The following TESK2 variants were observed in gnomAD, a reference collection of about 807,000 sequenced individuals.
TESK2 encodes the protein dual specificity testis-specific protein kinase 2.
In TESK2, 39 loss-of-function variants were observed where a neutral mutation model predicts 57.1. The ratio of observed to expected loss-of-function variants is 0.68; its 90% CI spans 0.53 to 0.89. The LOEUF (loss-of-function observed/expected upper bound fraction) is 0.89, where lower values mean the gene tolerates loss of function less well. TESK2 is among the 40% of genes least tolerant of loss of function. The probability of loss-of-function intolerance (pLI) is 0.00; values close to 1 mark genes in which losing one functional copy is unlikely to be tolerated. For synonymous variants in TESK2, 249 were observed against 267.9 expected (o/e 0.93, Z 0.69); for missense variants, 646 against 732.1 (o/e 0.88, Z 1.36).
At chr1:45,412,961 A>G (rs1384291407) in intron 3 of TESK2, among the ~76,000 whole-genome samples, 1 of 152,150 alleles carries the variant, frequency 6.6e-6, no homozygotes, top group Non-Finnish European at 1.5e-5. Flanking sequence ...CAGAGATTGC[A>G]GTGAGCCTGG....
chr1:45,468,612 C>G (rs139627968), intron 1 of TESK2, among the ~76,000 whole-genome samples: 102 of 152,230 alleles, frequency 6.7e-4, no homozygotes, highest in African/African-American at 2.3e-3. Context: ...CTCTGGATTA[C>G]CTCTCTTGGT....
intron 3 of TESK2, among the ~76,000 whole-genome samples, chr1:45,393,570 A>G (rs1333903701): frequency 6.6e-6 from 1 of 152,040 alleles, no homozygotes; most frequent in Non-Finnish European, 1.5e-5. Context: ...GTGAAACCCC[A>G]TCTCTACTAA....
chr1:45,473,308 T>C (rs947775905), intron 1 of TESK2, among the ~76,000 whole-genome samples: 3 of 151,960 alleles, frequency 2.0e-5, no homozygotes, highest in Non-Finnish European at 4.4e-5. Context: ...AACATCAATA[T>C]ATACAGGACA....
intron 2 of TESK2, among the ~76,000 whole-genome samples, chr1:45,445,896 C>CA (rs1405278501): frequency 6.6e-6 from 1 of 151,730 alleles, no homozygotes; most frequent in South Asian, 2.1e-4. Flanking sequence ...AAGTATATAA[C>CA]AAAAAAAATT....
At chr1:45,477,451 C>T (rs532499167) in intron 1 of TESK2, among the ~76,000 whole-genome samples, 9 of 151,866 alleles carry the variant, frequency 5.9e-5, no homozygotes, top group East Asian at 3.9e-4. Context: ...GGCTAAACCC[C>T]GTCTCTACTA....
chr1:45,471,531 G>C (rs571259655), intron 1 of TESK2, among the ~76,000 whole-genome samples: 2 of 151,408 alleles, frequency 1.3e-5, no homozygotes, highest in African/African-American at 4.9e-5. Flanking sequence ...TCCACCTCCC[G>C]AGTGGCTGGG....
intron 4 of TESK2, among the ~76,000 whole-genome samples, chr1:45,357,253 A>G (rs972762260): frequency 2.6e-5 from 4 of 151,808 alleles, no homozygotes; most frequent in Admixed American, 2.0e-4. Flanking sequence ...GTATGTATGT[A>G]TGTATGTATG....
chr1:45,447,671 C>A (rs1239890307), intron 2 of TESK2, among the ~76,000 whole-genome samples: 1 of 151,918 alleles, frequency 6.6e-6, no homozygotes, highest in Non-Finnish European at 1.5e-5. Flanking sequence ...CAATTATTAT[C>A]TTTATCAAGT....
At chr1:45,413,803 G>A (rs1570704188) in intron 3 of TESK2, 2 of 456,116 alleles carry the variant, frequency 4.4e-6, no homozygotes, top group South Asian at 3.1e-5. Context: ...AGGGTTCCAA[G>A]AGATGGATTC....
rs78454925 is a variant in TESK2, at chr1:45,372,006, C to T, written c.393+13906G>A. ...GTGGCTCACTTCTATACTCCCAGCA[C>T]TTTAGAACAAGGTGAGAGGATTGCT... On this transcript the variant is annotated intron_variant, in intron 4 of 10. Coordinates refer to ENST00000372086, the MANE Select transcript of TESK2 (RefSeq NM_007170.3). Among the ~76,000 whole-genome samples the T allele has an allele frequency of 1.6e-3, 250 of 151,980 alleles. 4 individuals are homozygous for T. The East Asian group carries it at 0.018, about 11-fold the overall frequency.
intron 1 of TESK2, among the ~76,000 whole-genome samples, chr1:45,487,436 G>A (rs1653531169): frequency 6.6e-6 from 1 of 152,120 alleles, no homozygotes; most frequent in Non-Finnish European, 1.5e-5. Context: ...GGACAACTGT[G>A]ACATTCATAT....
chr1:45,424,108 C>T (rs1650590917), intron 2 of TESK2, among the ~76,000 whole-genome samples: 1 of 152,190 alleles, frequency 6.6e-6, no homozygotes, highest in Admixed American at 6.5e-5. Context: ...CTACGGACTT[C>T]AGGAGTATCA....
chr1:45,476,114 T>G (rs1474584694), intron 1 of TESK2, among the ~76,000 whole-genome samples: 2 of 152,184 alleles, frequency 1.3e-5, no homozygotes, highest in Non-Finnish European at 2.9e-5. Context: ...CATATATACA[T>G]ATATCCTATT....
At chr1:45,448,788 T>C (rs559955486) in intron 2 of TESK2, among the ~76,000 whole-genome samples, 1 of 152,150 alleles carries the variant, frequency 6.6e-6, no homozygotes, top group Non-Finnish European at 1.5e-5. Flanking sequence ...CCAAACTATA[T>C]CTTATGCCAT....
intron 5 of TESK2, among the ~76,000 whole-genome samples, 155 bp from the exon 6 acceptor site, chr1:45,348,155 G>A (rs372966479): frequency 1.4e-4 from 21 of 152,270 alleles, no homozygotes; most frequent in African/African-American, 4.8e-4. Context: ...CAGGTCAGGG[G>A]CTCTAAGACA....
intron 4 of TESK2, among the ~76,000 whole-genome samples, chr1:45,368,541 T>G (rs1215100636): frequency 6.6e-6 from 1 of 151,226 alleles, no homozygotes; most frequent in Non-Finnish European, 1.5e-5. Context: ...GCCCGGCTAA[T>G]TTTTGTATTT....
chr1:45,480,665 AAAATAATAATAATAATAAATGAAT>A (rs1653179953), intron 1 of TESK2, among the ~76,000 whole-genome samples: 1 of 151,360 alleles, frequency 6.6e-6, no homozygotes, highest in South Asian at 2.1e-4. Flanking sequence ...GATTAAAAAG[AAAATAATAATAATAATAAATGAAT>A]AAATAAATAA....
chr1:45,441,170 T>TTTTG (rs1195871152), intron 2 of TESK2, among the ~76,000 whole-genome samples: 1 of 152,112 alleles, frequency 6.6e-6, no homozygotes, highest in Non-Finnish European at 1.5e-5. Context: ...AATTTTGTTT[T>TTTTG]TTTGTTTGTT....
chr1:45,478,367 T>C (rs1653083571), intron 1 of TESK2, among the ~76,000 whole-genome samples: 1 of 152,204 alleles, frequency 6.6e-6, no homozygotes, highest in African/African-American at 2.4e-5. Context: ...AATTGTTGCT[T>C]ATCATCTCTT....
Sources: gnomAD v4.1 joint callset for allele counts (sites outside exome capture counted in the v4.1 genomes callset) on GRCh38, gnomAD v4.1.1 for gene constraint, MANE v1.5 for transcripts, NCBI Gene and HGNC (gene_info 2026-07-23, HGNC 2026-07-21) for gene names.